Variants in PKHD1 observed in about 807,000 individuals in gnomAD.
The protein encoded by PKHD1 is PKHD1 ciliary IPT domain containing fibrocystin/polyductin.
A neutral mutation model predicts 412.0 loss-of-function variants in PKHD1; 291 were observed. The ratio of observed to expected loss-of-function variants is 0.71; its 90% CI spans 0.64 to 0.78. The LOEUF (loss-of-function observed/expected upper bound fraction) is 0.78, where lower values mean the gene tolerates loss of function less well. Among genes scored for constraint, PKHD1 ranks in the 30% least tolerant of loss-of-function variants. The pLI is 0.00. For missense variants in PKHD1, 4,825 were observed against 4,950.7 expected (o/e 0.97, Z 0.76); for synonymous variants, 1,777 against 1,821.5 (o/e 0.98, Z 0.62).
At chr6:51,972,544 C>T (rs1259525249) in intron 35 of PKHD1, among the ~76,000 whole-genome samples, 4 of 152,224 alleles carry the variant, frequency 2.6e-5, no homozygotes, top group African/African-American at 7.2e-5. Context: ...CCTATGCAAT[C>T]TGATGCAGAT....
chr6:51,839,870 C>G (rs59989014), intron 50 of PKHD1, among the ~76,000 whole-genome samples: 15,505 of 151,714 alleles, frequency 0.1, 861 homozygotes, highest in East Asian at 0.15. Context: ...ACTGACTAAA[C>G]AGTGAAAGAA....
chr6:51,762,648 C>T (rs113484448), intron 55 of PKHD1, among the ~76,000 whole-genome samples: 14 of 95,634 alleles, frequency 1.5e-4, no homozygotes, highest in Admixed American at 2.7e-4. Flanking sequence ...CCATTATTCA[C>T]ATATATATAT....
chr6:51,869,824 A>G (rs1325054651), intron 47 of PKHD1, among the ~76,000 whole-genome samples: 2 of 152,172 alleles, frequency 1.3e-5, no homozygotes, highest in African/African-American at 2.4e-5. Context: ...TTATTCATTT[A>G]ATTAAAAAAA....
intron 35 of PKHD1, among the ~76,000 whole-genome samples, chr6:52,005,021 A>G (rs1798877026): frequency 6.6e-6 from 1 of 152,160 alleles, no homozygotes; most frequent in African/African-American, 2.4e-5. Flanking sequence ...CCTTCCCTGC[A>G]AATTCCACCA....
At chr6:51,907,779 A>G (rs1782344226) in intron 40 of PKHD1, among the ~76,000 whole-genome samples, 1 of 152,188 alleles carries the variant, frequency 6.6e-6, no homozygotes, top group African/African-American at 2.4e-5. Flanking sequence ...CTTAATGAGC[A>G]TTCCAAAAGT....
chr6:51,761,949 G>A (rs1788088613), intron 55 of PKHD1, among the ~76,000 whole-genome samples: 1 of 152,062 alleles, frequency 6.6e-6, no homozygotes, highest in Non-Finnish European at 1.5e-5. Flanking sequence ...AAAAATTTAA[G>A]AGTGATCTTT....
At chr6:51,791,837 T>C (rs1793807407) in intron 52 of PKHD1, among the ~76,000 whole-genome samples, 1 of 152,198 alleles carries the variant, frequency 6.6e-6, no homozygotes, top group Non-Finnish European at 1.5e-5. Flanking sequence ...GCCTCGGTTA[T>C]CTCATCTGTG....
At chr6:51,839,424 C>A (rs1410698430) in intron 50 of PKHD1, among the ~76,000 whole-genome samples, 3 of 152,090 alleles carry the variant, frequency 2.0e-5, no homozygotes, top group African/African-American at 7.2e-5. Context: ...AGTCTTTGGG[C>A]CAATTATTGC....
chr6:51,683,241 T>C (rs1313938670), intron 60 of PKHD1, among the ~76,000 whole-genome samples: 1 of 152,102 alleles, frequency 6.6e-6, no homozygotes, highest in Non-Finnish European at 1.5e-5. Flanking sequence ...TGTATCATAA[T>C]TCAGCAAGGT....
chr6:51,800,891 A>C (rs1323988336), intron 52 of PKHD1, among the ~76,000 whole-genome samples: 1 of 152,244 alleles, frequency 6.6e-6, no homozygotes, highest in Non-Finnish European at 1.5e-5. Context: ...CAGGCAGAGC[A>C]GGACATACAA....
rs1806235318 is a variant in PKHD1, at chr6:52,048,545, C to T, written c.2354G>A (p.Ser785Asn). 6.2e-7 allele frequency: 1 copy of T among 1,614,128 alleles called. No homozygotes were observed. Residue 785 changes from serine (S) to asparagine (N), a missense_variant, in exon 23 of 67, where the codon AGT (serine) becomes AAT (asparagine). Transcript: ENST00000371117. ...GCGAAAGTGTCCTCCTAGAGGTGGA[C>T]TTGTCCGCTGTCGTCTCTGTGTCGT... ...LVTTQRRQRT[S>N]PPLGGHFRIQ...
At chr6:51,872,766 C>T (rs944970396) in intron 46 of PKHD1, among the ~76,000 whole-genome samples, 1 of 151,938 alleles carries the variant, frequency 6.6e-6, no homozygotes, top group African/African-American at 2.4e-5. Flanking sequence ...GGAATATTGC[C>T]TTCAAAATTT....
intron 57 of PKHD1, 120 bp downstream of exon 57, chr6:51,753,081 G>T: frequency 1.2e-6 from 1 of 856,128 alleles, no homozygotes; most frequent in Non-Finnish European, 1.9e-6. Context: ...CAAGCACAAA[G>T]GAACTATCTC....
At chr6:51,941,236 CTTTTTTTTTTT>C (rs539546758) in intron 36 of PKHD1, among the ~76,000 whole-genome samples, 7 of 63,082 alleles carry the variant, frequency 1.1e-4, no homozygotes, top group Non-Finnish European at 1.7e-4. Flanking sequence ...ACAGCATGGC[CTTTTTTTTTTT>C]TTTTTTTTTT....
At chr6:51,690,370 G>A (rs1336683554) in intron 60 of PKHD1, among the ~76,000 whole-genome samples, 1 of 150,258 alleles carries the variant, frequency 6.7e-6, no homozygotes, top group Non-Finnish European at 1.5e-5. Context: ...ACAATCCTAA[G>A]CAAAAAGAAT....
At position 51,748,312 on chromosome 6, in the gene PKHD1, G is replaced by A. The variant is rs897600716; in HGVS notation, c.9304C>T (p.Leu3102Phe). ...HGNVVAGSER[L>F]GFHIRGHKCS... ...TTGTGGCCTCGGATGTGAAAGCCAA[G>A]TCTCTCTGATCCTGCCACAACGTTG... is the stretch of plus-strand genomic sequence containing the variant. Residue 3102 changes from leucine (L) to phenylalanine (F), a missense_variant, in exon 58 of 67, where the codon CTT (leucine) becomes TTT (phenylalanine). Leu to Phe is a conservative substitution (Grantham distance 22, BLOSUM62 0). Coordinates refer to ENST00000371117, the MANE Select transcript of PKHD1 (RefSeq NM_138694.4). The A allele has an allele frequency of 6.2e-7, 1 of 1,613,936 alleles. No individual in the cohort carries two copies. The highest frequency in any genetic ancestry group is 1.3e-5 in the African/African-American group (1 of 74,896).
intron 25 of PKHD1, 86 bp downstream of exon 25, chr6:52,044,880 A>G: frequency 6.7e-7 from 1 of 1,492,832 alleles, no homozygotes; most frequent in South Asian, 1.1e-5. Flanking sequence ...TAAGAGCTAA[A>G]TCAATGAGTC....
rs371245728 is a variant in PKHD1, at chr6:52,059,949, C to G, written c.1212G>C (p.Trp404Cys). The stretch of plus-strand genomic sequence containing the variant: ...ATACCTTAGTCCTTGGTTCCTCTGA[C>G]CAACTGAAATGCAAGGAAGCTTGGC... ...ADSQASLHFS[W>C]SEEPRTKVKV... Residue 404 changes from tryptophan to cysteine, a missense_variant, in exon 15 of 67, where the codon TGG becomes TGC. Physicochemically the swap from Trp to Cys is radical, Grantham distance 215. Coordinates refer to ENST00000371117, the MANE Select transcript of PKHD1 (RefSeq NM_138694.4). 1.9e-6 allele frequency: 3 copies of G among 1,579,032 alleles called. No homozygotes were observed. The highest frequency in any genetic ancestry group is 2.6e-6 in the Non-Finnish European group (3 of 1,148,076).
chr6:51,983,719 A>G (rs756032275), intron 35 of PKHD1, among the ~76,000 whole-genome samples: 20 of 152,230 alleles, frequency 1.3e-4, no homozygotes, highest in Non-Finnish European at 2.5e-4. Context: ...GCTCCTTACA[A>G]GCTGTCTTTG....
Sources: allele counts gnomAD v4.1 joint callset (sites outside exome capture counted in the v4.1 genomes callset), GRCh38; gene constraint gnomAD v4.1.1; transcripts MANE v1.5; gene names NCBI Gene and HGNC (gene_info 2026-07-23, HGNC 2026-07-21).